The following MAP6 variants were observed in gnomAD, a reference collection of about 807,000 sequenced individuals.
The protein encoded by MAP6 is microtubule-associated protein 6.
In MAP6, 26 loss-of-function variants were observed where a neutral mutation model predicts 42.4. The ratio of observed to expected loss-of-function variants is 0.61; its 90% CI spans 0.45 to 0.85. The LOEUF (loss-of-function observed/expected upper bound fraction) is 0.85. Ranked by LOEUF, MAP6 falls within the 40% of genes least tolerant of loss-of-function variation. The pLI is 0.00. For synonymous variants in MAP6, 418 were observed against 443.8 expected, an observed-to-expected ratio of 0.94 and a Z score of 0.73; for missense variants, 966 against 1,099.0, an observed-to-expected ratio of 0.88 and a Z score of 1.71.
At chr11:75,646,815 A>G (rs948903557) in intron 1 of MAP6, among the ~76,000 whole-genome samples, 2 of 152,118 alleles carry the variant, frequency 1.3e-5, no homozygotes, top group Non-Finnish European at 2.9e-5. Flanking sequence ...AAAAGAAGCA[A>G]TGGTGAGTAA....
At chr11:75,661,262 A>G (rs969980779) in intron 1 of MAP6, among the ~76,000 whole-genome samples, 1 of 152,132 alleles carries the variant, frequency 6.6e-6, no homozygotes, top group Admixed American at 6.5e-5. Context: ...TTACAGGAGA[A>G]TTTTATCAGA....
intron 1 of MAP6, among the ~76,000 whole-genome samples, chr11:75,658,550 T>C (rs978081261): frequency 3.9e-5 from 6 of 152,242 alleles, no homozygotes; most frequent in Non-Finnish European, 8.8e-5. Flanking sequence ...ATCTCTCACC[T>C]AGACTGTAGT....
intron 1 of MAP6, among the ~76,000 whole-genome samples, chr11:75,649,729 C>G (rs1293555437): frequency 6.6e-6 from 1 of 152,022 alleles, no homozygotes; most frequent in Non-Finnish European, 1.5e-5. Flanking sequence ...TTAGTAGAGA[C>G]AGGGTTTCAG....
intron 3 of MAP6, chr11:75,594,450 T>A (rs1366211121): frequency 6.6e-6 from 1 of 152,232 alleles, no homozygotes; most frequent in African/African-American, 2.4e-5. Context: ...ATTATTCTTA[T>A]GAAGAATCTG....
Position 75,603,237 on chromosome 11 carries a change from C to A in MAP6, c.1316+2571G>T, listed in dbSNP as rs183963440. 3.0e-6 allele frequency: 3 copies of A among 985,530 alleles called. No homozygotes were observed. In the African/African-American group the frequency reaches 5.2e-5, roughly 17 times the overall value. 61.0% of individuals were successfully genotyped at this position (985,530 alleles called of 1,614,324 possible). The stretch of plus-strand genomic sequence containing the variant: ...GGGAAAGCTTCAGTCCCAGCTCCCT[C>A]GCCAGGGAAGGACGGAGAACCACAG... On this transcript the variant is annotated intron_variant, in intron 3 of 3. Coordinates refer to ENST00000304771, the MANE Select transcript of MAP6 (RefSeq NM_033063.2).
chr11:75,654,674 T>G (rs1330428993), intron 1 of MAP6, among the ~76,000 whole-genome samples: 3 of 152,244 alleles, frequency 2.0e-5, no homozygotes, highest in African/African-American at 7.2e-5. Context: ...CATACTCTAC[T>G]TCATTATTTC....
chr11:75,610,438 T>C (rs1293781797), intron 1 of MAP6, among the ~76,000 whole-genome samples: 1 of 152,226 alleles, frequency 6.6e-6, no homozygotes, highest in Non-Finnish European at 1.5e-5. Context: ...TGCTGGGTGC[T>C]ATGGAACCCA....
chr11:75,611,368 C>A (rs1942893906), intron 1 of MAP6, among the ~76,000 whole-genome samples: 1 of 152,248 alleles, frequency 6.6e-6, no homozygotes, highest in Admixed American at 6.5e-5. Flanking sequence ...ACCTCTGCAG[C>A]CTCCTGCATC....
At chr11:75,629,001 G>A (rs1175834895) in intron 1 of MAP6, among the ~76,000 whole-genome samples, 1 of 152,194 alleles carries the variant, frequency 6.6e-6, no homozygotes, top group Non-Finnish European at 1.5e-5. Flanking sequence ...GCTCTGTGAG[G>A]TAAAGAGATC....
chr11:75,637,358 G>C (rs1273280355), intron 1 of MAP6, among the ~76,000 whole-genome samples: 1 of 152,174 alleles, frequency 6.6e-6, no homozygotes, highest in African/African-American at 2.4e-5. Context: ...TACAGTCCCT[G>C]CTTTCTAGTT....
At position 75,587,283 on chromosome 11, in the gene MAP6, G is replaced by A. The variant is rs1038563574; in HGVS notation, c.2218C>T (p.Arg740Cys). 9 of 1,614,040 alleles carry A rather than the reference G, an allele frequency of 5.6e-6. No homozygotes were observed. Among genetic ancestry groups the A allele is most frequent in the Non-Finnish European group, 6.8e-6 (8 of 1,180,036 alleles). Residue 740 changes from arginine to cysteine, a missense_variant, in exon 4 of 4, where the codon CGT (arginine) becomes TGT (cysteine). Arg to Cys is a radical substitution (Grantham distance 180). Coordinates refer to ENST00000304771, the MANE Select transcript of MAP6 (RefSeq NM_033063.2). The part of the protein sequence containing the change: ...TVLQPPKNQG[R>C]IVPEPLKNQV... ...TTCTTCAGAGGTTCAGGGACTATACGACCTTGATTCTTTGGAGGCTGTAGG... is the reference window on the plus strand; with the variant it reads ...TTCTTCAGAGGTTCAGGGACTATACAACCTTGATTCTTTGGAGGCTGTAGG...
At chr11:75,607,801 G>A in intron 2 of MAP6, 1 of 393,632 alleles carries the variant, frequency 2.5e-6, no homozygotes, top group Non-Finnish European at 3.5e-6. Context: ...GGGGATTTAG[G>A]GCTCAGGTGA....
intron 1 of MAP6, among the ~76,000 whole-genome samples, chr11:75,612,742 T>C (rs956889650): frequency 1.3e-5 from 2 of 152,208 alleles, no homozygotes; most frequent in Non-Finnish European, 2.9e-5. Context: ...GTTTCTCCAT[T>C]GATGGTGCTC....
At chr11:75,628,475 G>C (rs530719397) in intron 1 of MAP6, among the ~76,000 whole-genome samples, 1 of 152,126 alleles carries the variant, frequency 6.6e-6, no homozygotes. Flanking sequence ...CCTCCTCCCC[G>C]CCCTTGCTCC....
At chr11:75,613,360 T>G (rs971297939) in intron 1 of MAP6, among the ~76,000 whole-genome samples, 1 of 152,122 alleles carries the variant, frequency 6.6e-6, no homozygotes, top group African/African-American at 2.4e-5. Context: ...CTTCGTTTCC[T>G]TCAAGCTCAT....
intron 1 of MAP6, among the ~76,000 whole-genome samples, chr11:75,650,683 T>C (rs111552768): frequency 1.8e-4 from 28 of 152,294 alleles, no homozygotes; most frequent in African/African-American, 6.0e-4. Flanking sequence ...CTATATCCTA[T>C]GGCATGTATC....
intron 1 of MAP6, among the ~76,000 whole-genome samples, chr11:75,666,105 G>T (rs759781992): frequency 1.4e-4 from 21 of 151,314 alleles, no homozygotes; most frequent in Non-Finnish European, 2.7e-4. Context: ...ACACCCTCTT[G>T]CAGGAAGGAG....
intron 2 of MAP6, 56 bp downstream of exon 2, chr11:75,608,053 C>A: frequency 6.5e-7 from 1 of 1,542,454 alleles, no homozygotes; most frequent in South Asian, 1.1e-5. Context: ...TGCTCTGCTG[C>A]AGTTAACCCT....
rs183950950 is a variant in MAP6 at position 75,664,275 on chromosome 11, A to G, written c.905+3190T>C. On this transcript the variant is annotated intron_variant, in intron 1 of 3. Coordinates refer to ENST00000304771, the MANE Select transcript of MAP6 (RefSeq NM_033063.2). ...GCTATCCTGGATACTACTTGAATGC[A>G]AAAATCTCAGGCTGATATGAATGGA... is the stretch of plus-strand genomic sequence containing the variant. 3.1e-3 allele frequency among the ~76,000 whole-genome samples: 480 copies of G among 152,384 alleles called. 3 individuals carry two copies. The highest frequency in any genetic ancestry group is 5.5e-3 in the Non-Finnish European group (372 of 68,032).
Sources: gnomAD v4.1 joint callset for allele counts (sites outside exome capture counted in the v4.1 genomes callset) on GRCh38, gnomAD v4.1.1 for gene constraint, MANE v1.5 for transcripts, NCBI Gene and HGNC (gene_info 2026-07-23, HGNC 2026-07-21) for gene names.